NT5E: variants seen among roughly 807,000 people sequenced by gnomAD.
The protein encoded by NT5E is 5'-nucleotidase.
A neutral mutation model predicts 55.1 loss-of-function variants in NT5E; 53 were observed. The observed-to-expected ratio is 0.96, with a 90% CI of 0.77 to 1.21. The LOEUF (loss-of-function observed/expected upper bound fraction) is 1.21. Ranked by LOEUF, NT5E falls within the 50% of genes most tolerant of loss-of-function variation. The pLI, the probability that NT5E is intolerant of heterozygous loss-of-function variation, is 0.00. For synonymous variants in NT5E, 270 were observed against 278.4 expected, an observed-to-expected ratio of 0.97 and a Z score of 0.30; for missense variants, 683 against 724.3, an observed-to-expected ratio of 0.94 and a Z score of 0.65.
intron 3 of NT5E, among the ~76,000 whole-genome samples, chr6:85,472,702 C>A (rs765088313): frequency 6.6e-6 from 1 of 152,162 alleles, no homozygotes; most frequent in Admixed American, 6.5e-5. Flanking sequence ...ATGGAGGTTG[C>A]CTGCTTATAA....
chr6:85,475,309 A>G (rs1769407670), intron 3 of NT5E, among the ~76,000 whole-genome samples: 1 of 152,170 alleles, frequency 6.6e-6, no homozygotes, highest in African/African-American at 2.4e-5. Context: ...ATTGTATTGT[A>G]GCTTGCTCAT....
chr6:85,476,938 C>T (rs1055589944), intron 3 of NT5E, among the ~76,000 whole-genome samples: 5 of 152,120 alleles, frequency 3.3e-5, no homozygotes, highest in African/African-American at 1.2e-4. Flanking sequence ...GAAAAGGCAA[C>T]ATTCAGGCAG....
intron 3 of NT5E, among the ~76,000 whole-genome samples, chr6:85,474,753 A>ACC (rs34235733): frequency 6.6e-6 from 1 of 152,008 alleles, no homozygotes; most frequent in East Asian, 1.9e-4. Context: ...AGATAGGGAG[A>ACC]CCCCCATATC....
chr6:85,490,521 G>C lies in NT5E; in HGVS notation c.1224G>C (p.Trp408Cys). 1 of 1,614,162 alleles carries C rather than the reference G, an allele frequency of 6.2e-7. No homozygotes were observed. The highest frequency in any genetic ancestry group is 8.5e-7 in the Non-Finnish European group (1 of 1,180,006). Residue 408 changes from tryptophan (W) to cysteine (C), a missense_variant, in exon 7 of 9, where the codon TGG becomes TGC. Physicochemically the swap from Trp to Cys is radical, Grantham distance 215. Coordinates refer to ENST00000257770, the MANE Select transcript of NT5E (RefSeq NM_002526.4). ...IDERNNGTITWENLAAVLPFG... is the reference protein window; with the variant it reads ...IDERNNGTITCENLAAVLPFG... ...GACTACCCTCAGGCACAATTACCTG[G>C]GAGAACCTGGCTGCTGTATTGCCCT...
chr6:85,477,995 C>G (rs944567711), intron 3 of NT5E, among the ~76,000 whole-genome samples: 7 of 150,776 alleles, frequency 4.6e-5, no homozygotes, highest in Admixed American at 4.0e-4. Context: ...CCACTGCACT[C>G]CAGCCAGTGT....
chr6:85,491,808 G>T (rs915120079), intron 7 of NT5E, among the ~76,000 whole-genome samples, 169 bp from the exon 8 acceptor site: 2 of 152,176 alleles, frequency 1.3e-5, no homozygotes, highest in Non-Finnish European at 2.9e-5. Flanking sequence ...AAGGACTCAA[G>T]GATAAAGGGT....
rs544550147 is a variant in NT5E at position 85,488,828 on chromosome 6, G to A, written c.1105-666G>A. 6.0e-5 allele frequency among the ~76,000 whole-genome samples: 9 copies of A among 149,358 alleles called. No homozygotes were observed. The South Asian group carries it at 1.7e-3, about 28-fold the overall frequency. ...ACTCCTGACCTTAGGTGATCCACCT[G>A]CCACAGCCTCCCAAAGTGCTGGGAT... On this transcript the variant is annotated intron_variant, in intron 5 of 8. Coordinates refer to ENST00000257770, the MANE Select transcript of NT5E (RefSeq NM_002526.4).
intron 3 of NT5E, among the ~76,000 whole-genome samples, chr6:85,477,185 G>A (rs1426780977): frequency 6.6e-6 from 1 of 152,054 alleles, no homozygotes; most frequent in East Asian, 1.9e-4. Context: ...AGTCCAGCAG[G>A]CTTCACTTCT....
intron 3 of NT5E, among the ~76,000 whole-genome samples, chr6:85,483,423 G>A (rs1184293085): frequency 6.6e-6 from 1 of 152,224 alleles, no homozygotes; most frequent in Admixed American, 6.5e-5. Flanking sequence ...AGGCTGAGTA[G>A]GATGTTAACC....
At chr6:85,474,381 A>C (rs1769383118) in intron 3 of NT5E, among the ~76,000 whole-genome samples, 1 of 152,244 alleles carries the variant, frequency 6.6e-6, no homozygotes, top group Non-Finnish European at 1.5e-5. Context: ...AGTTAGAGAC[A>C]GCCAACTGTA....
At chr6:85,457,094 G>T (rs1769005580) in intron 1 of NT5E, among the ~76,000 whole-genome samples, 1 of 152,138 alleles carries the variant, frequency 6.6e-6, no homozygotes, top group Admixed American at 6.5e-5. Context: ...CCAGGCAATG[G>T]GAGAGTCAGC....
At chr6:85,489,938 T>C (rs1769747749) in intron 6 of NT5E, among the ~76,000 whole-genome samples, 1 of 152,226 alleles carries the variant, frequency 6.6e-6, no homozygotes, top group Admixed American at 6.5e-5. Flanking sequence ...CACCTTGGCA[T>C]CTGAAAAGAG....
intron 3 of NT5E, among the ~76,000 whole-genome samples, chr6:85,476,448 C>T (rs1363734042): frequency 3.3e-5 from 5 of 152,178 alleles, no homozygotes; most frequent in Non-Finnish European, 7.3e-5. Context: ...AGGAGTAGAA[C>T]TCTGTGCGGC....
At chr6:85,458,124 A>G (rs1260952189) in intron 1 of NT5E, among the ~76,000 whole-genome samples, 1 of 152,260 alleles carries the variant, frequency 6.6e-6, no homozygotes, top group Admixed American at 6.5e-5. Flanking sequence ...AACTGTCACA[A>G]TTACTTTATC....
intron 1 of NT5E, among the ~76,000 whole-genome samples, chr6:85,459,689 T>A (rs1769054976): frequency 6.6e-6 from 1 of 152,212 alleles, no homozygotes; most frequent in Admixed American, 6.5e-5. Flanking sequence ...ATTTTATTCT[T>A]CTGTGACTCA....
At chr6:85,477,907 A>G (rs1243871303) in intron 3 of NT5E, among the ~76,000 whole-genome samples, 1 of 151,954 alleles carries the variant, frequency 6.6e-6, no homozygotes, top group East Asian at 1.9e-4. Context: ...AGTGTTTGCA[A>G]TTCCAGTGCT....
At chr6:85,487,635 T>C (rs963059679) in intron 5 of NT5E, 146 bp downstream of exon 5, 101 of 1,079,800 alleles carry the variant, frequency 9.4e-5, no homozygotes, top group Non-Finnish European at 1.3e-4. Flanking sequence ...CATGTGCCTA[T>C]AGTCCCAGCT....
At chr6:85,492,536 A>G (rs1769808424) in intron 8 of NT5E, among the ~76,000 whole-genome samples, 1 of 152,228 alleles carries the variant, frequency 6.6e-6, no homozygotes, top group Admixed American at 6.5e-5. Flanking sequence ...ACATTAAATC[A>G]TTTAAATTTT....
At chr6:85,457,954 G>A (rs989903183) in intron 1 of NT5E, among the ~76,000 whole-genome samples, 11 of 152,100 alleles carry the variant, frequency 7.2e-5, no homozygotes, top group African/African-American at 2.7e-4. Context: ...ACCCATGCAT[G>A]GGGATTCTTG....
Sources: gnomAD v4.1 joint callset for allele counts (sites outside exome capture counted in the v4.1 genomes callset) on GRCh38, gnomAD v4.1.1 for gene constraint, MANE v1.5 for transcripts, NCBI Gene and HGNC (gene_info 2026-07-23, HGNC 2026-07-21) for gene names.